The following RAB27B variants were observed in gnomAD, a reference collection of about 807,000 sequenced individuals.
RAB27B encodes the protein RAB27B, member RAS oncogene family.
Under a neutral mutation model 24.6 loss-of-function variants are expected in RAB27B, and 15 were observed. The observed-to-expected ratio is 0.61, with a 90% confidence interval of 0.41 to 0.94. The LOEUF (loss-of-function observed/expected upper bound fraction) is 0.94, where lower values mean the gene tolerates loss of function less well. Among genes scored for constraint, RAB27B ranks in the 40% least tolerant of loss-of-function variants. The probability of loss-of-function intolerance (pLI) is 0.00; values close to 1 mark genes in which losing one functional copy is unlikely to be tolerated. For synonymous variants in RAB27B, 105 were observed against 92.5 expected, an observed-to-expected ratio of 1.14 and a Z score of -0.78; for missense variants, 261 against 266.8, an observed-to-expected ratio of 0.98 and a Z score of 0.15.
intron 2 of RAB27B, among the ~76,000 whole-genome samples, chr18:54,812,265 T>C (rs187565310): frequency 1.4e-5 from 2 of 146,694 alleles, no homozygotes; most frequent in Admixed American, 1.4e-4. Flanking sequence ...AATGAAGGAT[T>C]TGAGTTTCCG....
intron 1 of RAB27B, among the ~76,000 whole-genome samples, chr18:54,869,612 G>A (rs890344040): frequency 6.6e-6 from 1 of 152,176 alleles, no homozygotes; most frequent in African/African-American, 2.4e-5. Flanking sequence ...AGAAGATAGA[G>A]CAGTGCTGAA....
intron 2 of RAB27B, among the ~76,000 whole-genome samples, chr18:54,821,239 A>G (rs7228688): frequency 0.72 from 109,932 of 152,006 alleles, 40,086 homozygotes; most frequent in Middle Eastern, 0.85. Flanking sequence ...TTATACACAA[A>G]TAACAGACAA....
In RAB27B at chr18:54,785,364, A is replaced by G. The variant is rs567730259; in HGVS notation, c.-20+67223A>G. Among the ~76,000 whole-genome samples the G allele has an allele frequency of 9.3e-5, 14 of 150,510 alleles. 1 individual carries two copies. The East Asian group carries it at 2.7e-3, about 29-fold the overall frequency. ...TGATCTGCCTGTCTCGGCCTCCCAAAGTGCTGGGATTACAGGCATCAGCCA... is the reference window on the plus strand; with the variant it reads ...TGATCTGCCTGTCTCGGCCTCCCAAGGTGCTGGGATTACAGGCATCAGCCA... On this transcript the variant is annotated intron_variant, in intron 2 of 4. Coordinates refer to the RAB27B transcript ENST00000586570.
intron 1 of RAB27B, among the ~76,000 whole-genome samples, chr18:54,863,570 T>C (rs73956717): frequency 6.6e-6 from 1 of 152,208 alleles, no homozygotes; most frequent in African/African-American, 2.4e-5. Flanking sequence ...GTTCAGTGTT[T>C]TTTTAGAATA....
rs904180487 is a variant in RAB27B, at chr18:54,894,796, C to T, written c.*5383C>T. 3 of 151,972 alleles carry T rather than the reference C, an allele frequency of 2.0e-5. No individual in the cohort carries two copies. Among genetic ancestry groups the T allele is most frequent in the Non-Finnish European group, 4.4e-5 (3 of 67,936 alleles). The allele number at this position is 151,972 out of a possible 1,614,324, so 9.4% of individuals were successfully genotyped here. A position where few individuals can be genotyped will look rare whatever the true frequency, so the allele number is the denominator to read the frequency against. Reference sequence around the variant, plus strand: ...TCACAAACTAAAATCTAATAAAAAACCACAGTTGTAATTTAAACTGCTTGA... The same window carrying T: ...TCACAAACTAAAATCTAATAAAAAATCACAGTTGTAATTTAAACTGCTTGA... On this transcript the variant is annotated 3_prime_UTR_variant, in exon 6 of 6. Transcript: ENST00000262094.
intron 2 of RAB27B, among the ~76,000 whole-genome samples, chr18:54,807,571 C>T (rs1909831472): frequency 6.6e-6 from 1 of 152,148 alleles, no homozygotes; most frequent in Admixed American, 6.5e-5. Context: ...ATATGCGTAT[C>T]ATCTGGTTGC....
intron 2 of RAB27B, among the ~76,000 whole-genome samples, chr18:54,796,920 T>C (rs2145122188): frequency 1.3e-5 from 2 of 152,294 alleles, no homozygotes; most frequent in East Asian, 1.9e-4. Context: ...CACACAGTAG[T>C]TGGTCCTGAG....
intron 1 of RAB27B, among the ~76,000 whole-genome samples, chr18:54,872,694 CTT>C (rs1465657355): frequency 2.0e-5 from 3 of 151,796 alleles, no homozygotes; most frequent in Non-Finnish European, 4.4e-5. Flanking sequence ...TACAGTGAGT[CTT>C]TAATCTAAAT....
chr18:54,761,814 G>A (rs997214097), intron 2 of RAB27B, among the ~76,000 whole-genome samples: 7 of 152,114 alleles, frequency 4.6e-5, no homozygotes, highest in African/African-American at 1.7e-4. Flanking sequence ...AACTGCTCTG[G>A]CTGCTTCACC....
intron 2 of RAB27B, among the ~76,000 whole-genome samples, chr18:54,812,814 C>A (rs907526603): frequency 6.6e-6 from 1 of 152,088 alleles, no homozygotes; most frequent in African/African-American, 2.4e-5. Flanking sequence ...TACAAGCACA[C>A]ATATATATGT....
intron 2 of RAB27B, among the ~76,000 whole-genome samples, chr18:54,819,548 GA>G (rs770260592): frequency 8.1e-4 from 97 of 120,076 alleles, no homozygotes; most frequent in South Asian, 3.3e-3. Context: ...AAAAAAAAAA[GA>G]AAAAAAAAAG....
intron 2 of RAB27B, among the ~76,000 whole-genome samples, chr18:54,779,378 T>A (rs1421050918): frequency 6.6e-6 from 1 of 152,028 alleles, no homozygotes; most frequent in Non-Finnish European, 1.5e-5. Flanking sequence ...TTGGAAAAAA[T>A]ACGAAGTCAC....
intron 2 of RAB27B, among the ~76,000 whole-genome samples, chr18:54,805,631 C>T (rs781130961): frequency 1.3e-5 from 2 of 152,162 alleles, no homozygotes; most frequent in African/African-American, 2.4e-5. Context: ...AAAATTCTAG[C>T]ATAGGTAATT....
chr18:54,756,557 A>G (rs1217779970), intron 2 of RAB27B, among the ~76,000 whole-genome samples: 1 of 152,134 alleles, frequency 6.6e-6, no homozygotes, highest in Non-Finnish European at 1.5e-5. Flanking sequence ...CTACAGCTGT[A>G]GTATTCTGAA....
upstream of RAB27B, among the ~76,000 whole-genome samples, chr18:54,826,232 T>TTA (rs1910466573): frequency 6.6e-6 from 1 of 152,210 alleles, no homozygotes; most frequent in African/African-American, 2.4e-5. Flanking sequence ...TAGACAGATG[T>TTA]TATGTCTACT....
intron 1 of RAB27B, among the ~76,000 whole-genome samples, chr18:54,852,423 C>T (rs1336971521): frequency 1.3e-5 from 2 of 152,144 alleles, no homozygotes; most frequent in African/African-American, 4.8e-5. Flanking sequence ...GAGATTCCAC[C>T]TTTCTTCACA....
At chr18:54,806,056 A>G (rs1248509478) in intron 2 of RAB27B, among the ~76,000 whole-genome samples, 1 of 152,220 alleles carries the variant, frequency 6.6e-6, no homozygotes, top group Non-Finnish European at 1.5e-5. Flanking sequence ...TATGAATGAT[A>G]TACTTAGTCC....
intron 2 of RAB27B, among the ~76,000 whole-genome samples, chr18:54,802,968 A>G (rs1909657414): frequency 6.6e-6 from 1 of 152,196 alleles, no homozygotes; most frequent in African/African-American, 2.4e-5. Context: ...TTTTGATTTA[A>G]AGTAGTATTT....
intron 2 of RAB27B, among the ~76,000 whole-genome samples, chr18:54,757,922 CAA>C (rs1908058028): frequency 6.6e-6 from 1 of 151,956 alleles, no homozygotes; most frequent in Admixed American, 6.6e-5. Context: ...AAAAAAATCA[CAA>C]AATCTAGAAA....
Sources: gnomAD v4.1 joint callset for allele counts (sites outside exome capture counted in the v4.1 genomes callset) on GRCh38, gnomAD v4.1.1 for gene constraint, MANE v1.5 for transcripts, NCBI Gene and HGNC (gene_info 2026-07-23, HGNC 2026-07-21) for gene names.